HTRA1: variants seen among roughly 807,000 people sequenced by gnomAD.
HTRA1 encodes serine protease HTRA1.
A neutral mutation model predicts 49.7 loss-of-function variants in HTRA1; 26 were observed. The ratio of observed to expected loss-of-function variants is 0.52; its 90% CI spans 0.38 to 0.73. The LOEUF (loss-of-function observed/expected upper bound fraction) is 0.73. Ranked by LOEUF, HTRA1 falls within the 30% of genes least tolerant of loss-of-function variation. The pLI, the probability that HTRA1 is intolerant of heterozygous loss-of-function variation, is 0.00. For synonymous variants in HTRA1, 291 were observed against 286.9 expected (o/e 1.01, Z -0.14); for missense variants, 561 against 667.2 (o/e 0.84, Z 1.75).
intron 4 of HTRA1, 123 bp from the exon 5 acceptor site, chr10:122,507,247 A>G: frequency 2.5e-6 from 2 of 815,844 alleles, no homozygotes; most frequent in South Asian, 2.8e-5. Flanking sequence ...AATGGGAATG[A>G]ATCTCAGAGA....
At chr10:122,468,883 T>C (rs2097484907) in intron 1 of HTRA1, among the ~76,000 whole-genome samples, 2 of 152,148 alleles carry the variant, frequency 1.3e-5, no homozygotes, top group Non-Finnish European at 2.9e-5. Flanking sequence ...GAAAGATTTG[T>C]CACATCTTAA....
rs535245399 is a variant in HTRA1, at chr10:122,476,624, A to C, written c.473-12278A>C. Among the ~76,000 whole-genome samples, 8 of 152,280 alleles carry C rather than the reference A, an allele frequency of 5.3e-5. No homozygotes were observed. In the South Asian group the frequency reaches 1.7e-3, roughly 32 times the overall value. On this transcript the variant is annotated intron_variant, in intron 1 of 8. Coordinates refer to ENST00000368984, the MANE Select transcript of HTRA1 (RefSeq NM_002775.5). ...TGGCCGTTTGCAGGCACTCGGTCCCAGTTGTCCTGGGCCTGCAGCCCTTGC... is the reference window on the plus strand; with the variant it reads ...TGGCCGTTTGCAGGCACTCGGTCCCCGTTGTCCTGGGCCTGCAGCCCTTGC...
chr10:122,511,234 G>A (rs1276274701), intron 7 of HTRA1, among the ~76,000 whole-genome samples: 4 of 152,132 alleles, frequency 2.6e-5, no homozygotes, highest in Non-Finnish European at 1.5e-5. Flanking sequence ...GCCTTACTGG[G>A]ATGATCTCAT....
Position 122,489,617 on chromosome 10 carries a change from TG to T in HTRA1, c.769del (p.Asp257ThrfsTer41). Reference sequence around the variant, plus strand: ...AAGCAGACATCGCACTCATCAAAATTGACCACCAGGTAAGGGTGTTCTCGCC... The same window carrying T: ...AAGCAGACATCGCACTCATCAAAATTACCACCAGGTAAGGGTGTTCTCGCC... ...EKADIALIKI[D>X]HQGKLPVLLL... On this transcript the variant is annotated frameshift_variant, in exon 3 of 9. Coordinates refer to ENST00000368984, the MANE Select transcript of HTRA1 (RefSeq NM_002775.5). LOFTEE classifies it high-confidence loss of function. 1 of 1,613,490 alleles carries T rather than the reference TG, an allele frequency of 6.2e-7. No individual in the cohort carries two copies. The highest frequency in any genetic ancestry group is 1.7e-5 in the Admixed American group (1 of 59,972).
At chr10:122,512,976 G>A (rs2097506303) in intron 8 of HTRA1, among the ~76,000 whole-genome samples, 1 of 152,172 alleles carries the variant, frequency 6.6e-6, no homozygotes, top group Non-Finnish European at 1.5e-5. Flanking sequence ...AATAAGAATA[G>A]TATTTTGTGA....
intron 3 of HTRA1, among the ~76,000 whole-genome samples, chr10:122,496,027 A>G (rs1178804735): frequency 6.6e-6 from 1 of 152,154 alleles, no homozygotes; most frequent in Non-Finnish European, 1.5e-5. Context: ...GAAGCCAAAA[A>G]TATTTGCTTC....
intron 1 of HTRA1, among the ~76,000 whole-genome samples, chr10:122,467,352 G>A (rs1204966835): frequency 6.6e-6 from 1 of 152,138 alleles, no homozygotes; most frequent in African/African-American, 2.4e-5. Flanking sequence ...TCGACCTCTC[G>A]GAGCCTCGGC....
At chr10:122,466,952 G>A (rs746879367) in intron 1 of HTRA1, among the ~76,000 whole-genome samples, 1 of 151,876 alleles carries the variant, frequency 6.6e-6, no homozygotes, top group Non-Finnish European at 1.5e-5. Context: ...AAGTTAACAA[G>A]CTCAAAAACC....
chr10:122,501,165 G>T (rs915972224), intron 3 of HTRA1, among the ~76,000 whole-genome samples: 4 of 152,186 alleles, frequency 2.6e-5, no homozygotes, highest in African/African-American at 7.2e-5. Flanking sequence ...CCATCCACAG[G>T]GTGGTGGGTC....
Position 122,512,008 on chromosome 10 carries a change from C to T in HTRA1, c.1217C>T (p.Pro406Leu). 1 of 1,613,990 alleles carries T rather than the reference C, an allele frequency of 6.2e-7. No homozygotes were observed. Among genetic ancestry groups the T allele is most frequent in the Non-Finnish European group, 8.5e-7 (1 of 1,179,962 alleles). The change falls in exon 8 of 9, where the codon CCA (proline) becomes CTA (leucine). Residue 406 changes from proline to leucine, a missense_variant. Physicochemically the swap from Pro to Leu is moderately conservative, Grantham distance 98. This residue lies in a region of HTRA1 where 179 missense variants were observed against 173.4 expected (regional missense o/e 1.03). Transcript: ENST00000368984. ...CTGAAGGACCGGCACCGGGACTTCC[C>T]AGACGTGATCTCAGGAGCGTATATA... Reference protein sequence around the residue: ...KELKDRHRDFPDVISGAYIIE... With the variant: ...KELKDRHRDFLDVISGAYIIE...
At chr10:122,492,627 C>T (rs56056728) in intron 3 of HTRA1, among the ~76,000 whole-genome samples, 342 of 152,280 alleles carry the variant, frequency 2.2e-3, no homozygotes, top group South Asian at 5.0e-3. Context: ...AGCCATTGCG[C>T]GTGGCTGTAA....
intron 1 of HTRA1, among the ~76,000 whole-genome samples, chr10:122,475,040 A>G (rs1036013687): frequency 1.3e-5 from 2 of 152,228 alleles, no homozygotes; most frequent in African/African-American, 4.8e-5. Flanking sequence ...TGTGACTGAC[A>G]GCACAGTGAG....
intron 3 of HTRA1, among the ~76,000 whole-genome samples, chr10:122,501,038 A>G (rs957116917): frequency 5.9e-5 from 9 of 152,126 alleles, no homozygotes; most frequent in Admixed American, 5.9e-4. Context: ...CAGGCTGGTG[A>G]GAAGAACACC....
chr10:122,500,280 C>T (rs1371035418), intron 3 of HTRA1, among the ~76,000 whole-genome samples: 1 of 152,182 alleles, frequency 6.6e-6, no homozygotes, highest in East Asian at 1.9e-4. Context: ...ATCATCTGAC[C>T]CCATTGGGGA....
chr10:122,462,221 G>T (rs1168454119), intron 1 of HTRA1, 97 bp downstream of exon 1: 27 of 1,080,704 alleles, frequency 2.5e-5, no homozygotes, highest in Non-Finnish European at 3.6e-5. Context: ...GCAGCGAAGC[G>T]TTGTGGGGTG....
At chr10:122,483,696 C>T (rs2097491986) in intron 1 of HTRA1, among the ~76,000 whole-genome samples, 1 of 152,182 alleles carries the variant, frequency 6.6e-6, no homozygotes, top group Admixed American at 6.5e-5. Flanking sequence ...AATAGTGAAT[C>T]TTCTGATCTA....
At chr10:122,510,021 G>A in intron 6 of HTRA1, 75 bp from the exon 7 acceptor site, 4 of 1,305,146 alleles carry the variant, frequency 3.1e-6, no homozygotes, top group South Asian at 1.2e-5. Flanking sequence ...GGGGGATTGG[G>A]CCCCCGGCCC....
chr10:122,488,407 A>C (rs1393923748), intron 1 of HTRA1, among the ~76,000 whole-genome samples: 2 of 152,080 alleles, frequency 1.3e-5, no homozygotes, highest in African/African-American at 2.4e-5. Context: ...GTCCCTAGTA[A>C]AAATACAAAA....
intron 1 of HTRA1, among the ~76,000 whole-genome samples, chr10:122,467,657 A>C (rs2097484312): frequency 6.6e-6 from 1 of 151,876 alleles, no homozygotes. Flanking sequence ...CCAAGAGATG[A>C]GCTTCCACGA....
Sources: allele counts gnomAD v4.1 joint callset (sites outside exome capture counted in the v4.1 genomes callset), GRCh38; gene constraint gnomAD v4.1.1; regional missense constraint gnomAD v4.1.1; transcripts MANE v1.5; gene names NCBI Gene and HGNC (gene_info 2026-07-23, HGNC 2026-07-21).